GALNT17: variants seen among roughly 807,000 people sequenced by gnomAD.
GALNT17 encodes the protein polypeptide N-acetylgalactosaminyltransferase 17.
In GALNT17, 29 loss-of-function variants were observed where a neutral mutation model predicts 63.7. That is an observed-to-expected ratio of 0.46 (90% confidence interval 0.34 to 0.62). The LOEUF (loss-of-function observed/expected upper bound fraction) is 0.62, where lower values mean the gene tolerates loss of function less well. Ranked by LOEUF, GALNT17 falls within the 20% of genes least tolerant of loss-of-function variation. The pLI, the probability that GALNT17 is intolerant of heterozygous loss-of-function variation, is 0.01. For missense variants in GALNT17, 603 were observed against 799.6 expected (o/e 0.75, Z 2.97); for synonymous variants, 305 against 318.3 (o/e 0.96, Z 0.45).
intron 5 of GALNT17, among the ~76,000 whole-genome samples, chr7:71,510,767 C>G (rs1160384423): frequency 6.6e-6 from 1 of 152,090 alleles, no homozygotes; most frequent in Non-Finnish European, 1.5e-5. Context: ...AAAGCCTGTC[C>G]TCATGATGTT....
intron 5 of GALNT17, among the ~76,000 whole-genome samples, chr7:71,474,066 G>C (rs1583984679): frequency 2.6e-5 from 4 of 152,244 alleles, no homozygotes; most frequent in Admixed American, 2.6e-4. Flanking sequence ...TCCAGGAAAG[G>C]GGTGGGCAAT....
chr7:71,537,334 G>A (rs936436638), intron 5 of GALNT17, among the ~76,000 whole-genome samples: 2 of 152,164 alleles, frequency 1.3e-5, no homozygotes, highest in African/African-American at 4.8e-5. Context: ...GCAAGGATGT[G>A]TTCACATCCT....
chr7:71,343,850 T>C (rs1043681117), intron 2 of GALNT17, among the ~76,000 whole-genome samples: 5 of 152,190 alleles, frequency 3.3e-5, no homozygotes, highest in African/African-American at 1.2e-4. Context: ...CTAAATATAT[T>C]ACATTTTATG....
intron 5 of GALNT17, among the ~76,000 whole-genome samples, chr7:71,445,591 T>C (rs915366108): frequency 6.6e-5 from 10 of 152,244 alleles, no homozygotes; most frequent in African/African-American, 2.4e-4. Context: ...GACAACTAGG[T>C]AACCACATTT....
At chr7:71,375,261 G>T (rs1251721058) in intron 2 of GALNT17, among the ~76,000 whole-genome samples, 2 of 152,174 alleles carry the variant, frequency 1.3e-5, no homozygotes, top group Non-Finnish European at 2.9e-5. Flanking sequence ...AAGCTTGCAG[G>T]GCCAATTTGG....
chr7:71,180,148 T>C (rs1409221717), intron 1 of GALNT17, among the ~76,000 whole-genome samples: 2 of 152,044 alleles, frequency 1.3e-5, no homozygotes, highest in Non-Finnish European at 2.9e-5. Flanking sequence ...TTTTTTGAGA[T>C]GGAGTGTCGC....
chr7:71,568,888 G>A (rs1231938116), intron 5 of GALNT17, among the ~76,000 whole-genome samples: 1 of 152,126 alleles, frequency 6.6e-6, no homozygotes, highest in African/African-American at 2.4e-5. Context: ...TGCAATGAAC[G>A]TGGTAGAATA....
intron 1 of GALNT17, among the ~76,000 whole-genome samples, chr7:71,247,068 C>T (rs1790112832): frequency 6.6e-6 from 1 of 152,038 alleles, no homozygotes; most frequent in African/African-American, 2.4e-5. Context: ...AGCCACCACG[C>T]CCAGCCTATT....
chr7:71,354,778 G>A (rs948772415), intron 2 of GALNT17, among the ~76,000 whole-genome samples: 2 of 152,102 alleles, frequency 1.3e-5, no homozygotes, highest in Admixed American at 6.6e-5. Context: ...TGACTATCTG[G>A]TTCTTAAATG....
At chr7:71,254,996 C>T (rs1246583333) in intron 1 of GALNT17, among the ~76,000 whole-genome samples, 1 of 152,240 alleles carries the variant, frequency 6.6e-6, no homozygotes, top group Non-Finnish European at 1.5e-5. Context: ...TTGCCAGCAT[C>T]AGCTGTGAGA....
chr7:71,532,169 C>T (rs1299085192), intron 5 of GALNT17, among the ~76,000 whole-genome samples: 1 of 152,104 alleles, frequency 6.6e-6, no homozygotes, highest in African/African-American at 2.4e-5. Flanking sequence ...GGAAACAAGC[C>T]CTGTTTCCTT....
At position 71,493,028 on chromosome 7, in the gene GALNT17, A is replaced by G. The variant is rs114172650; in HGVS notation, c.962+71923A>G. On this transcript the variant is annotated intron_variant, in intron 5 of 10. Transcript: ENST00000333538. ...TAAAATAAAGAACTATTTTAGTCAAAATGGTCAGTTTTCAGAATAAATAGT... is the reference window on the plus strand; with the variant it reads ...TAAAATAAAGAACTATTTTAGTCAAGATGGTCAGTTTTCAGAATAAATAGT... Among the ~76,000 whole-genome samples, 682 of 152,308 alleles carry G rather than the reference A, an allele frequency of 4.5e-3. 6 individuals carry two copies. Among genetic ancestry groups the G allele is most frequent in the African/African-American group, 0.016 (648 of 41,568 alleles).
intron 5 of GALNT17, among the ~76,000 whole-genome samples, chr7:71,434,506 G>A (rs1162294537): frequency 6.6e-6 from 1 of 152,180 alleles, no homozygotes; most frequent in African/African-American, 2.4e-5. Flanking sequence ...CCAAGTGAAT[G>A]CTGGCACATT....
chr7:71,481,580 T>C (rs1770534008), intron 5 of GALNT17, among the ~76,000 whole-genome samples: 2 of 152,276 alleles, frequency 1.3e-5, no homozygotes, highest in Non-Finnish European at 1.5e-5. Flanking sequence ...GGGATACCTA[T>C]GGGAGATGTG....
rs574984728 is a variant in GALNT17 at position 71,346,766 on chromosome 7, G to A, written c.422+11033G>A. Among the ~76,000 whole-genome samples the A allele has an allele frequency of 4.4e-3, 586 of 133,266 alleles. 1 individual carries two copies. Among genetic ancestry groups the A allele is most frequent in the Middle Eastern group, 8.0e-3 (2 of 250 alleles). 87.4% of individuals were successfully genotyped at this position (133,266 alleles called of 152,430 possible). A position where few individuals can be genotyped will look rare whatever the true frequency, so the allele number is the denominator to read the frequency against. On this transcript the variant is annotated intron_variant, in intron 2 of 10. Coordinates refer to ENST00000333538, the MANE Select transcript of GALNT17 (RefSeq NM_022479.3). The stretch of plus-strand genomic sequence containing the variant: ...CCTGTTGGGGGGGCGGGGGTGGGTG[G>A]GTGGGTGGGTGGAGTTACTTCTTTA...
At chr7:71,328,920 T>TA (rs34545191) in intron 1 of GALNT17, among the ~76,000 whole-genome samples, 8,368 of 151,934 alleles carry the variant, frequency 0.055, 767 homozygotes, top group African/African-American at 0.19. Context: ...TACTGTTTTA[T>TA]AAAAAAAATT....
intron 1 of GALNT17, among the ~76,000 whole-genome samples, chr7:71,245,848 G>GATTTTTTTTTTTTTTTTTTTTTTTT (rs1790083340): frequency 8.1e-6 from 1 of 122,892 alleles, no homozygotes; most frequent in African/African-American, 2.9e-5. Flanking sequence ...AAGAGAGCAG[G>GATTTTTTTTTTTTTTTTTTTTTTTT]TTTTTTTTTT....
intron 6 of GALNT17, among the ~76,000 whole-genome samples, chr7:71,661,189 C>T (rs532025662): frequency 6.6e-6 from 1 of 152,304 alleles, no homozygotes; most frequent in African/African-American, 2.4e-5. Flanking sequence ...GGGTCTACAG[C>T]TGTAGGTCAG....
chr7:71,166,150 C>T (rs761324028), intron 1 of GALNT17, among the ~76,000 whole-genome samples: 10 of 152,258 alleles, frequency 6.6e-5, no homozygotes, highest in Non-Finnish European at 1.5e-4. Flanking sequence ...TGCAAATGGA[C>T]GTTGGCGCTC....
Sources: gnomAD v4.1 joint callset for allele counts (sites outside exome capture counted in the v4.1 genomes callset) on GRCh38, gnomAD v4.1.1 for gene constraint, MANE v1.5 for transcripts, NCBI Gene and HGNC (gene_info 2026-07-23, HGNC 2026-07-21) for gene names.